RBFOX2: variants seen among roughly 807,000 people sequenced by gnomAD.
RBFOX2 encodes RNA binding fox-1 homolog 2.
A neutral mutation model predicts 49.1 loss-of-function variants in RBFOX2; 10 were observed. The ratio of observed to expected loss-of-function variants is 0.20; its 90% confidence interval spans 0.13 to 0.35. The LOEUF is 0.35. Ranked by LOEUF, RBFOX2 falls within the 10% of genes least tolerant of loss-of-function variation. The pLI, the probability that RBFOX2 is intolerant of heterozygous loss-of-function variation, is 1.00. For missense variants in RBFOX2, 323 were observed against 486.9 expected, an observed-to-expected ratio of 0.66 and a Z score of 3.17; for synonymous variants, 183 against 187.4, an observed-to-expected ratio of 0.98 and a Z score of 0.19.
At chr22:36,010,906 G>A (rs1322040430) in intron 1 of RBFOX2, among the ~76,000 whole-genome samples, 1 of 152,158 alleles carries the variant, frequency 6.6e-6, no homozygotes, top group Non-Finnish European at 1.5e-5. Context: ...AGACAGAGGG[G>A]TTAAGGGTAG....
At chr22:35,744,360 A>C in intron 11 of RBFOX2, 111 bp from the exon 14 acceptor site, 1 of 1,002,820 alleles carries the variant, frequency 1.0e-6, no homozygotes, top group South Asian at 1.9e-5. Context: ...GAAGCCTCAA[A>C]GCAACTGATC....
At chr22:35,900,332 G>T (rs2048416007) in intron 1 of RBFOX2, among the ~76,000 whole-genome samples, 2 of 151,804 alleles carry the variant, frequency 1.3e-5, no homozygotes, top group Non-Finnish European at 2.9e-5. Flanking sequence ...AGGCTGGCAG[G>T]CTACTTGTTT....
chr22:35,937,285 C>T (rs1046699853), intron 1 of RBFOX2, among the ~76,000 whole-genome samples: 5 of 152,182 alleles, frequency 3.3e-5, no homozygotes, highest in African/African-American at 4.8e-5. Flanking sequence ...AGCTCTAGGA[C>T]AGACACAAAC....
At chr22:36,027,646 A>T (rs1244307689) in intron 1 of RBFOX2, among the ~76,000 whole-genome samples, 1 of 152,208 alleles carries the variant, frequency 6.6e-6, no homozygotes, top group Non-Finnish European at 1.5e-5. Flanking sequence ...TCCACAAAGT[A>T]AATGAGACTG....
At chr22:35,894,384 A>C (rs2047591835) in intron 1 of RBFOX2, among the ~76,000 whole-genome samples, 1 of 152,192 alleles carries the variant, frequency 6.6e-6, no homozygotes, top group Non-Finnish European at 1.5e-5. Context: ...ATGAAAGCTT[A>C]TTCCTAATTA....
intron 1 of RBFOX2, among the ~76,000 whole-genome samples, chr22:35,851,100 T>C (rs1275842820): frequency 6.6e-6 from 1 of 152,214 alleles, no homozygotes; most frequent in Admixed American, 6.5e-5. Flanking sequence ...ATCAGTGTAA[T>C]TCTTCTCCTT....
intron 1 of RBFOX2, among the ~76,000 whole-genome samples, chr22:36,005,400 G>A (rs562595044): frequency 5.3e-5 from 8 of 152,188 alleles, no homozygotes; most frequent in African/African-American, 1.2e-4. Context: ...TCTTAATTCT[G>A]CAATTCAGTG....
At chr22:35,980,936 C>T (rs1415660708) in intron 1 of RBFOX2, among the ~76,000 whole-genome samples, 1 of 152,002 alleles carries the variant, frequency 6.6e-6, no homozygotes, top group African/African-American at 2.4e-5. Context: ...ATGTGTTTTA[C>T]TTTATGGAGA....
chr22:35,893,656 T>C (rs2047510476), intron 1 of RBFOX2, among the ~76,000 whole-genome samples: 1 of 152,058 alleles, frequency 6.6e-6, no homozygotes. Context: ...GAAGAGAAAA[T>C]AATATTTCAA....
At chr22:35,930,634 A>G (rs916662976) in intron 1 of RBFOX2, among the ~76,000 whole-genome samples, 3 of 151,878 alleles carry the variant, frequency 2.0e-5, no homozygotes, top group Non-Finnish European at 4.4e-5. Context: ...GTTCGAGATC[A>G]GCCTGGCCAA....
At chr22:35,798,499 T>A (rs2147795333) in intron 2 of RBFOX2, among the ~76,000 whole-genome samples, 1 of 152,352 alleles carries the variant, frequency 6.6e-6, no homozygotes, top group South Asian at 2.1e-4. Context: ...CTTGGACAAG[T>A]AATCTTGAAT....
chr22:35,836,946 T>C (rs1442487339), intron 1 of RBFOX2, among the ~76,000 whole-genome samples: 1 of 152,258 alleles, frequency 6.6e-6, no homozygotes, highest in Non-Finnish European at 1.5e-5. Context: ...TGCAATAATC[T>C]GGTCTATATG....
At chr22:35,781,625 T>G in exon 3 of RBFOX2, 1 of 1,614,090 alleles carries the variant, frequency 6.2e-7, no homozygotes, top group Non-Finnish European at 8.5e-7. Context: ...GAGGTCAGGG[T>G]CCCGGAAGCG....
upstream of RBFOX2, among the ~76,000 whole-genome samples, chr22:35,943,174 T>C (rs1324035162): frequency 6.6e-6 from 1 of 152,242 alleles, no homozygotes; most frequent in Non-Finnish European, 1.5e-5. Context: ...CGCAACTATT[T>C]TGTGCCAGTC....
At chr22:35,853,769 TAATTTAGAGATA>T (rs1191141478) in intron 1 of RBFOX2, among the ~76,000 whole-genome samples, 12 of 151,972 alleles carry the variant, frequency 7.9e-5, no homozygotes, top group Non-Finnish European at 1.5e-5. Flanking sequence ...TTTCGCTTAC[TAATTTAGAGATA>T]AATTTCCAAT....
chr22:35,899,587 A>G, intron 1 of RBFOX2, among the ~76,000 whole-genome samples: 1 of 151,998 alleles, frequency 6.6e-6, no homozygotes, highest in East Asian at 1.9e-4. Flanking sequence ...AAAGAAAGAA[A>G]GAAAAAAGGG....
At position 35,995,167 on chromosome 22, in the gene RBFOX2, A is replaced by C. The variant is rs2058137315; in HGVS notation, c.186+33073T>G. 2.6e-5 allele frequency: 4 copies of C among 152,220 alleles called. No individual in the cohort carries two copies. The South Asian group carries it at 8.3e-4, about 31-fold the overall frequency. 9.4% of individuals were successfully genotyped at this position (152,220 alleles called of 1,614,324 possible). A position where few individuals can be genotyped will look rare whatever the true frequency, so the allele number is the denominator to read the frequency against. On this transcript the variant is annotated intron_variant, in intron 1 of 13. Transcript: ENST00000438146. ...ACAAAACATCAAAACCAATCATCAG[A>C]GTATAGAGAACATCATCTACCTTTT...
intron 1 of RBFOX2, chr22:35,995,804 C>T (rs780295366): frequency 1.3e-5 from 2 of 152,870 alleles, no homozygotes; most frequent in Non-Finnish European, 2.9e-5. Context: ...TACCCAGTCT[C>T]AGGTAGTTCT....
chr22:35,743,987 GAAC>G, exon 12 of RBFOX2: 1 of 421,446 alleles, frequency 2.4e-6, no homozygotes, highest in East Asian at 3.6e-5. Context: ...ACAATCTTTG[GAAC>G]AAAAGAATTA....
Sources: allele counts gnomAD v4.1 joint callset (sites outside exome capture counted in the v4.1 genomes callset), GRCh38; gene constraint gnomAD v4.1.1; transcripts MANE v1.5; gene names NCBI Gene and HGNC (gene_info 2026-07-23, HGNC 2026-07-21).